The following RSPO3 variants were observed in gnomAD, a reference collection of about 807,000 sequenced individuals.
RSPO3 encodes R-spondin-3.
RSPO3 carries 17 observed loss-of-function variants against 36.5 expected under a neutral mutation model. The observed-to-expected ratio is 0.47, with a 90% CI of 0.32 to 0.70. The LOEUF (loss-of-function observed/expected upper bound fraction) is 0.70, where lower values mean the gene tolerates loss of function less well. Ranked by LOEUF, RSPO3 falls within the 30% of genes least tolerant of loss-of-function variation. RSPO3 has a pLI of 0.04. For missense variants in RSPO3, 294 were observed against 322.5 expected, an observed-to-expected ratio of 0.91 and a Z score of 0.68; for synonymous variants, 108 against 107.0, an observed-to-expected ratio of 1.01 and a Z score of -0.06.
At chr6:127,193,092 G>A (rs1277080294) in intron 4 of RSPO3, among the ~76,000 whole-genome samples, 3 of 152,224 alleles carry the variant, frequency 2.0e-5, no homozygotes, top group South Asian at 4.1e-4. Context: ...TTCTTCTGTT[G>A]TGCAATAGCC....
At chr6:127,193,579 T>C (rs1775456005) in intron 4 of RSPO3, among the ~76,000 whole-genome samples, 2 of 152,170 alleles carry the variant, frequency 1.3e-5, no homozygotes, top group African/African-American at 2.4e-5. Context: ...TGCTCCTCAA[T>C]ATGGAAATAT....
intron 2 of RSPO3, among the ~76,000 whole-genome samples, 155 bp from the exon 3 acceptor site, chr6:127,150,271 G>A (rs987801495): frequency 6.6e-6 from 1 of 151,838 alleles, no homozygotes; most frequent in Non-Finnish European, 1.5e-5. Flanking sequence ...AAATCACTGT[G>A]GAGGAATCGT....
chr6:127,169,156 C>A (rs1774884993), intron 4 of RSPO3, among the ~76,000 whole-genome samples: 1 of 151,836 alleles, frequency 6.6e-6, no homozygotes, highest in Admixed American at 6.6e-5. Context: ...TTTACCCTCC[C>A]ACCAACCATG....
At chr6:127,185,331 C>T (rs1775271788) in intron 4 of RSPO3, among the ~76,000 whole-genome samples, 1 of 151,910 alleles carries the variant, frequency 6.6e-6, no homozygotes, top group Admixed American at 6.6e-5. Context: ...GAAATACTCC[C>T]CTTATCATAT....
In RSPO3 at chr6:127,155,238, C is replaced by A. The variant is rs1336745533; in HGVS notation, c.437-3C>A. The A allele has an allele frequency of 5.0e-6, 8 of 1,613,498 alleles. No individual in the cohort carries two copies. The highest frequency in any genetic ancestry group is 1.3e-5 in the African/African-American group (1 of 74,860). On this transcript the variant is annotated splice_region_variant and splice_polypyrimidine_tract_variant and intron_variant, in intron 3 of 4. Transcript: ENST00000356698. ...TGAGTCTGTTTCTTCTGTTCTGTTT[C>A]AGTGCACTGTGAGGTCAGTGAATGG... is the stretch of plus-strand genomic sequence containing the variant.
chr6:127,162,739 T>C (rs1431721842), intron 4 of RSPO3, among the ~76,000 whole-genome samples: 1 of 152,186 alleles, frequency 6.6e-6, no homozygotes, highest in African/African-American at 2.4e-5. Flanking sequence ...TATCAGCCCT[T>C]TTGTAAGCAT....
intron 1 of RSPO3, among the ~76,000 whole-genome samples, chr6:127,146,240 C>T (rs1774381548): frequency 6.6e-6 from 1 of 151,886 alleles, no homozygotes; most frequent in African/African-American, 2.4e-5. Flanking sequence ...ACAACTAGGT[C>T]TTTCTTGCTT....
intron 4 of RSPO3, among the ~76,000 whole-genome samples, chr6:127,177,469 G>C (rs565311139): frequency 6.6e-6 from 1 of 151,898 alleles, no homozygotes; most frequent in African/African-American, 2.4e-5. Flanking sequence ...TTGCCCTGTT[G>C]GGAAGACAAC....
At chr6:127,184,471 C>T (rs1195525945) in intron 4 of RSPO3, among the ~76,000 whole-genome samples, 1 of 151,886 alleles carries the variant, frequency 6.6e-6, no homozygotes, top group Non-Finnish European at 1.5e-5. Flanking sequence ...TAGTTAGTAG[C>T]AAAGGAAGAG....
At chr6:127,143,671 T>A (rs993781132) in intron 1 of RSPO3, among the ~76,000 whole-genome samples, 3 of 152,198 alleles carry the variant, frequency 2.0e-5, no homozygotes, top group Admixed American at 1.3e-4. Flanking sequence ...TAAATGATCA[T>A]CAGCAGTAAT....
intron 4 of RSPO3, among the ~76,000 whole-genome samples, chr6:127,160,694 G>A (rs1774692995): frequency 6.6e-6 from 1 of 152,178 alleles, no homozygotes; most frequent in Non-Finnish European, 1.5e-5. Context: ...TCTGGGTGTT[G>A]CCATGGCAAT....
intron 1 of RSPO3, among the ~76,000 whole-genome samples, chr6:127,135,079 A>T (rs1319054463): frequency 6.6e-6 from 1 of 152,208 alleles, no homozygotes; most frequent in Admixed American, 6.5e-5. Context: ...TTACTTAGGA[A>T]GTGCCAGGCC....
chr6:127,176,288 A>T (rs533417552), intron 4 of RSPO3, among the ~76,000 whole-genome samples: 1 of 151,942 alleles, frequency 6.6e-6, no homozygotes, highest in South Asian at 2.1e-4. Context: ...ATTGACTAAG[A>T]TTAAGTAAAA....
At chr6:127,191,971 ACCATGT>A (rs1775418673) in intron 4 of RSPO3, among the ~76,000 whole-genome samples, 1 of 152,156 alleles carries the variant, frequency 6.6e-6, no homozygotes, top group South Asian at 2.1e-4. Context: ...CCCCAGATTC[ACCATGT>A]CCTTGCATGC....
intron 4 of RSPO3, among the ~76,000 whole-genome samples, chr6:127,180,786 C>T (rs556923105): frequency 2.8e-4 from 42 of 151,816 alleles, no homozygotes; most frequent in Non-Finnish European, 5.3e-4. Context: ...ATTATTGTTA[C>T]TAATTATTTT....
chr6:127,157,034 T>C (rs1774608842), intron 4 of RSPO3, among the ~76,000 whole-genome samples: 1 of 152,180 alleles, frequency 6.6e-6, no homozygotes, highest in Admixed American at 6.5e-5. Context: ...TGTAAATTTG[T>C]AGGAGGTTTT....
intron 1 of RSPO3, among the ~76,000 whole-genome samples, chr6:127,130,144 A>C (rs1774022363): frequency 6.6e-6 from 1 of 152,144 alleles, no homozygotes. Context: ...GAGAAATTAA[A>C]AGATTGTTAA....
At chr6:127,126,072 G>A (rs909162806) in intron 1 of RSPO3, among the ~76,000 whole-genome samples, 8 of 152,036 alleles carry the variant, frequency 5.3e-5, no homozygotes, top group African/African-American at 1.4e-4. Flanking sequence ...CCCATATTTG[G>A]CAATAAACTT....
chr6:127,166,484 A>G (rs1048177496), intron 4 of RSPO3, among the ~76,000 whole-genome samples: 8 of 152,138 alleles, frequency 5.3e-5, no homozygotes, highest in African/African-American at 1.9e-4. Context: ...TATGACTTTA[A>G]GCAAATTCTT....
Sources: allele counts gnomAD v4.1 joint callset (sites outside exome capture counted in the v4.1 genomes callset), GRCh38; gene constraint gnomAD v4.1.1; transcripts MANE v1.5; gene names NCBI Gene and HGNC (gene_info 2026-07-23, HGNC 2026-07-21).